The following COG5 variants were observed in gnomAD, a reference collection of about 807,000 sequenced individuals.
The protein encoded by COG5 is conserved oligomeric Golgi complex subunit 5.
In COG5, 86 loss-of-function variants were observed where a neutral mutation model predicts 110.4. That is an observed-to-expected ratio of 0.78 (90% CI 0.65 to 0.93). The LOEUF (loss-of-function observed/expected upper bound fraction) is 0.93, where lower values mean the gene tolerates loss of function less well. COG5 is among the 40% of genes least tolerant of loss of function. COG5 has a pLI of 0.00. For synonymous variants in COG5, 360 were observed against 334.6 expected (o/e 1.08, Z -0.83); for missense variants, 1,077 against 987.0 (o/e 1.09, Z -1.22).
At chr7:107,416,988 T>C (rs1207822176) in intron 6 of COG5, among the ~76,000 whole-genome samples, 1 of 152,186 alleles carries the variant, frequency 6.6e-6, no homozygotes, top group Admixed American at 6.5e-5. Context: ...AGCATTGGAA[T>C]TTGTACAGCA....
At chr7:107,503,916 A>T (rs1798799437) in intron 6 of COG5, among the ~76,000 whole-genome samples, 1 of 151,720 alleles carries the variant, frequency 6.6e-6, no homozygotes, top group Admixed American at 6.6e-5. Flanking sequence ...TTTTTCATGT[A>T]TACAATCACA....
intron 6 of COG5, among the ~76,000 whole-genome samples, chr7:107,446,552 C>T (rs1048965409): frequency 4.6e-5 from 7 of 152,268 alleles, no homozygotes; most frequent in Admixed American, 1.3e-4. Flanking sequence ...GCAAACATAA[C>T]GATACATCAT....
intron 6 of COG5, among the ~76,000 whole-genome samples, chr7:107,525,671 G>C (rs1351130180): frequency 1.3e-5 from 2 of 151,950 alleles, no homozygotes; most frequent in East Asian, 3.9e-4. Context: ...TCCCATCTCA[G>C]TTTCCCAAGT....
At chr7:107,287,054 C>T (rs1281632188) in intron 12 of COG5, among the ~76,000 whole-genome samples, 2 of 152,142 alleles carry the variant, frequency 1.3e-5, no homozygotes, top group Non-Finnish European at 1.5e-5. Flanking sequence ...AACAGGGTGG[C>T]CTCTGGTATG....
intron 10 of COG5, among the ~76,000 whole-genome samples, chr7:107,329,071 T>G (rs1358057441): frequency 1.3e-5 from 2 of 152,216 alleles, no homozygotes; most frequent in Non-Finnish European, 2.9e-5. Flanking sequence ...GATCTACAGA[T>G]CTACAGACTT....
intron 6 of COG5, among the ~76,000 whole-genome samples, chr7:107,515,536 A>G (rs1799860360): frequency 6.6e-6 from 1 of 152,190 alleles, no homozygotes; most frequent in Admixed American, 6.5e-5. Context: ...AGTTGTCATT[A>G]TGGTGTATAA....
At chr7:107,563,438 G>C (rs1289874086) in intron 1 of COG5, 1 of 372,778 alleles carries the variant, frequency 2.7e-6, no homozygotes, top group East Asian at 6.7e-5. Context: ...CACTTTTGAA[G>C]AGCTCGAACG....
intron 7 of COG5, among the ~76,000 whole-genome samples, chr7:107,400,186 T>TA (rs1395289406): frequency 6.6e-6 from 1 of 152,126 alleles, no homozygotes; most frequent in African/African-American, 2.4e-5. Flanking sequence ...GGTGAACGTA[T>TA]AAAGATACTT....
At chr7:107,392,156 C>G (rs1368231234) in intron 7 of COG5, among the ~76,000 whole-genome samples, 1 of 152,126 alleles carries the variant, frequency 6.6e-6, no homozygotes, top group African/African-American at 2.4e-5. Flanking sequence ...AGAGGTTTAC[C>G]TGGTTCTCTA....
At chr7:107,389,087 T>G (rs1790430436) in intron 7 of COG5, among the ~76,000 whole-genome samples, 1 of 152,238 alleles carries the variant, frequency 6.6e-6, no homozygotes. Flanking sequence ...CTGCAACCTG[T>G]ACCTGCTACA....
chr7:107,434,764 A>C (rs919391010), intron 6 of COG5, among the ~76,000 whole-genome samples: 11 of 151,938 alleles, frequency 7.2e-5, no homozygotes, highest in Non-Finnish European at 1.6e-4. Flanking sequence ...AGGTCAGGAG[A>C]TCAAGACCAT....
intron 6 of COG5, among the ~76,000 whole-genome samples, chr7:107,502,237 T>C (rs1205903105): frequency 2.0e-5 from 3 of 152,078 alleles, no homozygotes; most frequent in Non-Finnish European, 4.4e-5. Flanking sequence ...TTAGATTAGC[T>C]CCCACTTATA....
At chr7:107,255,623 A>G (rs1375700157) in intron 16 of COG5, among the ~76,000 whole-genome samples, 2 of 152,002 alleles carry the variant, frequency 1.3e-5, no homozygotes, top group African/African-American at 4.8e-5. Flanking sequence ...TTTCATCTCA[A>G]TTTTAAAACT....
intron 6 of COG5, among the ~76,000 whole-genome samples, chr7:107,526,021 G>C (rs1381677208): frequency 6.6e-6 from 1 of 152,110 alleles, no homozygotes; most frequent in Non-Finnish European, 1.5e-5. Flanking sequence ...TATTTGTGAA[G>C]GATTTCCTTG....
At chr7:107,259,731 G>A (rs2116634155) in intron 14 of COG5, among the ~76,000 whole-genome samples, 1 of 152,210 alleles carries the variant, frequency 6.6e-6, no homozygotes, top group East Asian at 1.9e-4. Context: ...CAAAGAAATG[G>A]GAAAGGGGAA....
intron 14 of COG5, among the ~76,000 whole-genome samples, chr7:107,260,530 G>A (rs1803248927): frequency 6.6e-6 from 1 of 152,060 alleles, no homozygotes; most frequent in Admixed American, 6.6e-5. Flanking sequence ...ACTTTAATGG[G>A]TGAGTTATAC....
chr7:107,428,643 G>A (rs74558562), intron 6 of COG5, among the ~76,000 whole-genome samples: 8,734 of 152,280 alleles, frequency 0.057, 326 homozygotes, highest in Non-Finnish European at 0.086. Context: ...CTCAGTTTGA[G>A]TAATGTGCTG....
intron 7 of COG5, among the ~76,000 whole-genome samples, chr7:107,406,652 C>A (rs189013100): frequency 4.9e-4 from 75 of 152,112 alleles, no homozygotes; most frequent in Admixed American, 1.8e-3. Context: ...AAACAAAAAG[C>A]CTTTAAAAGT....
At chr7:107,338,004 A>C (rs1227292185) in intron 10 of COG5, among the ~76,000 whole-genome samples, 1 of 152,194 alleles carries the variant, frequency 6.6e-6, no homozygotes, top group Non-Finnish European at 1.5e-5. Flanking sequence ...TTAAAGCTGC[A>C]TAATGTTACC....
Sources: gnomAD v4.1 joint callset for allele counts (sites outside exome capture counted in the v4.1 genomes callset) on GRCh38, gnomAD v4.1.1 for gene constraint, MANE v1.5 for transcripts, NCBI Gene and HGNC (gene_info 2026-07-23, HGNC 2026-07-21) for gene names.